TMEFF2: variants seen among roughly 807,000 people sequenced by gnomAD.
TMEFF2 encodes the protein tomoregulin-2.
In TMEFF2, 28 loss-of-function variants were observed where a neutral mutation model predicts 53.8. The observed-to-expected ratio is 0.52, with a 90% CI of 0.39 to 0.71. The LOEUF (loss-of-function observed/expected upper bound fraction) is 0.71. Ranked by LOEUF, TMEFF2 falls within the 30% of genes least tolerant of loss-of-function variation. The pLI, the probability that TMEFF2 is intolerant of heterozygous loss-of-function variation, is 0.00. For missense variants in TMEFF2, 353 were observed against 455.2 expected (o/e 0.78, Z 2.04); for synonymous variants, 162 against 166.3 (o/e 0.97, Z 0.20).
intron 5 of TMEFF2, among the ~76,000 whole-genome samples, chr2:192,055,522 T>C (rs1393107074): frequency 1.3e-5 from 2 of 151,874 alleles, no homozygotes; most frequent in Admixed American, 6.6e-5. Context: ...CACCTGTAAT[T>C]CCAGCACTTT....
intron 5 of TMEFF2, among the ~76,000 whole-genome samples, chr2:192,012,864 A>G (rs572104823): frequency 2.4e-4 from 37 of 152,310 alleles, no homozygotes; most frequent in African/African-American, 8.2e-4. Flanking sequence ...AAATTAGTAA[A>G]AATGTATACA....
chr2:191,952,471 CTTTTCT>C (rs1188816443), intron 9 of TMEFF2, among the ~76,000 whole-genome samples: 17 of 152,108 alleles, frequency 1.1e-4, no homozygotes, highest in Non-Finnish European at 2.1e-4. Flanking sequence ...GTTTTAGATT[CTTTTCT>C]TTTTCTTTTT....
At chr2:192,116,327 T>TA (rs1256657447) in intron 4 of TMEFF2, among the ~76,000 whole-genome samples, 1 of 151,922 alleles carries the variant, frequency 6.6e-6, no homozygotes, top group Non-Finnish European at 1.5e-5. Flanking sequence ...TGGGGAGAGA[T>TA]ACTGAGGAAA....
chr2:191,969,168 GA>G (rs1559065998), intron 7 of TMEFF2, among the ~76,000 whole-genome samples: 12 of 22,820 alleles, frequency 5.3e-4, no homozygotes, highest in Middle Eastern at 0.029. Flanking sequence ...TATATATATA[GA>G]GAGAGAGAGC....
chr2:191,998,988 G>A, intron 6 of TMEFF2, 72 bp downstream of exon 6: 1 of 1,489,056 alleles, frequency 6.7e-7, no homozygotes, highest in Non-Finnish European at 9.1e-7. Context: ...CTAATAAGGA[G>A]TTTTCTTCAC....
chr2:191,963,989 C>T (rs1692342155), intron 7 of TMEFF2, among the ~76,000 whole-genome samples: 1 of 152,044 alleles, frequency 6.6e-6, no homozygotes, highest in Non-Finnish European at 1.5e-5. Flanking sequence ...AATTACTTGT[C>T]TTAGTAATTT....
At chr2:192,046,308 G>C (rs994809631) in intron 5 of TMEFF2, among the ~76,000 whole-genome samples, 2 of 152,096 alleles carry the variant, frequency 1.3e-5, no homozygotes, top group Non-Finnish European at 2.9e-5. Flanking sequence ...AGGTTGCAGT[G>C]AATCAAGATC....
rs573574294 is a variant in TMEFF2 at position 192,186,370 on chromosome 2, C to T, written c.283-1887G>A. Among the ~76,000 whole-genome samples the T allele has an allele frequency of 8.5e-5, 13 of 152,230 alleles. No homozygotes were observed. The East Asian group carries it at 1.5e-3, about 18-fold the overall frequency. Reference sequence around the variant, plus strand: ...GATTTGAATTTTCCAATGAGTAGTACGGAAGAGACCACAAATAAATGTGGC... The same window carrying T: ...GATTTGAATTTTCCAATGAGTAGTATGGAAGAGACCACAAATAAATGTGGC... On this transcript the variant is annotated intron_variant, in intron 2 of 9. Coordinates refer to ENST00000272771, the MANE Select transcript of TMEFF2 (RefSeq NM_016192.4).
chr2:192,009,759 C>T (rs188518919), intron 5 of TMEFF2, among the ~76,000 whole-genome samples: 42 of 152,172 alleles, frequency 2.8e-4, no homozygotes, highest in Admixed American at 1.6e-3. Flanking sequence ...TAGGAGAACA[C>T]CTTAATTTTA....
At chr2:192,076,328 G>A (rs191308072) in intron 4 of TMEFF2, among the ~76,000 whole-genome samples, 78 of 151,926 alleles carry the variant, frequency 5.1e-4, no homozygotes, top group Non-Finnish European at 8.4e-4. Flanking sequence ...ATTAACAGAG[G>A]TTTTAGACTG....
intron 7 of TMEFF2, among the ~76,000 whole-genome samples, chr2:191,958,769 C>T (rs938110587): frequency 2.0e-5 from 3 of 152,108 alleles, no homozygotes; most frequent in Non-Finnish European, 4.4e-5. Flanking sequence ...TCATAGGATA[C>T]TGTCAAATAA....
intron 4 of TMEFF2, among the ~76,000 whole-genome samples, chr2:192,075,015 T>C (rs982672007): frequency 4.6e-5 from 7 of 151,642 alleles, no homozygotes; most frequent in Admixed American, 2.0e-4. Context: ...AATAAAAACA[T>C]ACTCATTGTA....
At chr2:191,984,130 TTTTAAAG>T (rs1213475305) in intron 7 of TMEFF2, among the ~76,000 whole-genome samples, 2 of 152,158 alleles carry the variant, frequency 1.3e-5, no homozygotes, top group African/African-American at 4.8e-5. Flanking sequence ...TTATTTTTCT[TTTTAAAG>T]TAATAAAGGG....
chr2:192,019,342 T>C (rs1686811320), intron 5 of TMEFF2, among the ~76,000 whole-genome samples: 1 of 152,054 alleles, frequency 6.6e-6, no homozygotes, highest in Non-Finnish European at 1.5e-5. Context: ...AGATAAGTTA[T>C]ACAAAATTTG....
At chr2:191,976,558 A>G (rs563948413) in intron 7 of TMEFF2, among the ~76,000 whole-genome samples, 77 of 152,368 alleles carry the variant, frequency 5.1e-4, no homozygotes, top group African/African-American at 1.6e-3. Flanking sequence ...CAGAAAGAAA[A>G]GTGCAGACTG....
intron 4 of TMEFF2, among the ~76,000 whole-genome samples, chr2:192,151,060 G>A (rs898354670): frequency 6.6e-6 from 1 of 151,696 alleles, no homozygotes; most frequent in African/African-American, 2.4e-5. Context: ...TCAAAATAGT[G>A]AGTGAGTTCT....
intron 4 of TMEFF2, among the ~76,000 whole-genome samples, chr2:192,129,179 G>A (rs74327588): frequency 5.3e-5 from 8 of 152,260 alleles, no homozygotes; most frequent in South Asian, 2.1e-4. Flanking sequence ...TGGGATCCTC[G>A]TGCAAATCTT....
chr2:192,093,894 G>A (rs752351613), intron 4 of TMEFF2, among the ~76,000 whole-genome samples: 26 of 152,166 alleles, frequency 1.7e-4, no homozygotes, highest in Middle Eastern at 3.4e-3. Context: ...AAAAAAAAGC[G>A]AAGTGAAAGG....
At chr2:192,002,476 A>AT (rs55957603) in intron 5 of TMEFF2, among the ~76,000 whole-genome samples, 3,802 of 144,750 alleles carry the variant, frequency 0.026, 135 homozygotes, top group African/African-American at 0.082. Flanking sequence ...TATGGAGAAT[A>AT]TTTTTTTTTT....
Sources: allele counts gnomAD v4.1 joint callset (sites outside exome capture counted in the v4.1 genomes callset), GRCh38; gene constraint gnomAD v4.1.1; transcripts MANE v1.5; gene names NCBI Gene and HGNC (gene_info 2026-07-23, HGNC 2026-07-21).